Variants in SLC6A7 observed in about 807,000 individuals in gnomAD.
The protein encoded by SLC6A7 is solute carrier family 6 member 7, also known as sodium-dependent proline transporter.
SLC6A7 carries 58 observed loss-of-function variants against 73.1 expected under a neutral mutation model. That is an observed-to-expected ratio of 0.79 (90% confidence interval 0.64 to 0.99). SLC6A7 has a LOEUF of 0.99. Ranked by LOEUF, SLC6A7 falls within the 50% of genes least tolerant of loss-of-function variation. The pLI is 0.00. For synonymous variants in SLC6A7, 338 were observed against 338.7 expected, an observed-to-expected ratio of 1.00 and a Z score of 0.02; for missense variants, 783 against 831.4, an observed-to-expected ratio of 0.94 and a Z score of 0.72.
In SLC6A7 at chr5:150,209,486, G is replaced by A. The variant is rs537596685; in HGVS notation, c.1782G>A (p.Thr594=). The A allele has an allele frequency of 9.9e-6, 16 of 1,614,154 alleles. No individual in the cohort carries two copies. Among genetic ancestry groups the A allele is most frequent in the African/African-American group, 6.7e-5 (5 of 75,074 alleles). The change falls in exon 14 of 14, where the codon ACG becomes ACA. Residue 594 remains threonine (T), a synonymous_variant. Transcript: ENST00000230671. ...ACCGGACGGGCATGTATGTGGCCAC[G>A]CTGGCTGGGAGCCAGTCACCAAAGC... ...EENRTGMYVA[T]LAGSQSPKPL...
intron 4 of SLC6A7, among the ~76,000 whole-genome samples, chr5:150,198,374 G>A (rs1439960119): frequency 5.3e-5 from 8 of 152,218 alleles, no homozygotes; most frequent in Non-Finnish European, 1.2e-4. Context: ...AAATGTTTTG[G>A]TCTTTAACCT....
rs148094389 is a variant in SLC6A7, at chr5:150,197,049, C to G, written c.357C>G (p.Gly119=). 1 of 1,613,518 alleles carries G rather than the reference C, an allele frequency of 6.2e-7. No individual in the cohort carries two copies. The highest frequency in any genetic ancestry group is 1.1e-5 in the South Asian group (1 of 91,070). ...WKISPLFKGA[G]AAMLLIVGLV... ...AGCCTCTCCCCACACCAGGCGCCGG[C>G]GCAGCCATGCTGCTCATCGTGGGCT... Residue 119 remains glycine (G), a synonymous_variant, in exon 4 of 14, where the codon GGC becomes GGG. Coordinates refer to ENST00000230671, the MANE Select transcript of SLC6A7 (RefSeq NM_014228.5).
Position 150,190,317 on chromosome 5 carries a change from C to T in SLC6A7, c.-11C>T. The T allele has an allele frequency of 6.6e-7, 1 of 1,511,906 alleles. No homozygotes were observed. The highest frequency in any genetic ancestry group is 8.8e-7 in the Non-Finnish European group (1 of 1,130,952). 93.7% of individuals were successfully genotyped at this position (1,511,906 alleles called of 1,614,324 possible). On this transcript the variant is annotated 5_prime_UTR_variant, in exon 1 of 14. Transcript: ENST00000230671. ...CCGGGGCAGCTGAGCCCCGGCCACCCGCTCTCCAAGATGAAGAAGCTCCAG... is the reference window on the plus strand; with the variant it reads ...CCGGGGCAGCTGAGCCCCGGCCACCTGCTCTCCAAGATGAAGAAGCTCCAG...
rs1337961398 is a variant in SLC6A7, at chr5:150,203,738, C to T, written c.1159C>T (p.Leu387Phe). Reference protein sequence around the residue: ...MLPLSPFWSFLFFFMLLTLGL... With the variant: ...MLPLSPFWSFFFFFMLLTLGL... ...GCCTCTGTCACCCTTCTGGTCCTTT[C>T]TCTTCTTCTTCATGCTTCTGACTCT... Residue 387 changes from leucine to phenylalanine, a missense_variant, in exon 9 of 14, where the codon CTC becomes TTC. By Grantham distance (22) the Leu-to-Phe change is conservative. Coordinates refer to ENST00000230671, the MANE Select transcript of SLC6A7 (RefSeq NM_014228.5). 5.6e-6 allele frequency: 9 copies of T among 1,610,698 alleles called. No homozygotes were observed. Among genetic ancestry groups the T allele is most frequent in the Non-Finnish European group, 7.6e-6 (9 of 1,177,336 alleles).
rs554644130 is a variant in SLC6A7, at chr5:150,202,554, C to T, written c.963-25C>T. 93 of 1,613,082 alleles carry T rather than the reference C, an allele frequency of 5.8e-5. 2 individuals carry two copies. The South Asian group carries it at 9.8e-4, about 17-fold the overall frequency. On this transcript the variant is annotated intron_variant, in intron 7 of 13. Transcript: ENST00000230671. ...TGAAAGGAAGGCCCACTCACCCTGG[C>T]CCGCACCTGGACTTCTTCTGGTAGA...
intron 1 of SLC6A7, among the ~76,000 whole-genome samples, chr5:150,192,567 G>T (rs1752834839): frequency 1.3e-5 from 2 of 152,188 alleles, no homozygotes; most frequent in South Asian, 4.1e-4. Context: ...CAGCCTCCTG[G>T]GATTCACCCC....
chr5:150,211,005 C>T lies in SLC6A7; in HGVS notation c.*1390C>T, dbSNP rs6579779. 86,618 of 152,704 alleles carry T rather than the reference C, an allele frequency of 0.57. 24,899 individuals are homozygous for T. Among genetic ancestry groups the T allele is most frequent in the East Asian group, 0.78 (4,124 of 5,300 alleles). The allele number at this position is 152,704 out of a possible 1,614,324, so 9.5% of individuals were successfully genotyped here. Reference sequence around the variant, plus strand: ...CAGCCTCTCTGCCTGTCTCTCGCTGCGTCCCCCCAACCCCTTGTGTTCTAT... The same window carrying T: ...CAGCCTCTCTGCCTGTCTCTCGCTGTGTCCCCCCAACCCCTTGTGTTCTAT... On this transcript the variant is annotated 3_prime_UTR_variant, in exon 14 of 14. Transcript: ENST00000230671.
chr5:150,197,098 A>C lies in SLC6A7; in HGVS notation c.406A>C (p.Ile136Leu), dbSNP rs1195924722. The C allele has an allele frequency of 6.2e-7, 1 of 1,614,086 alleles. No homozygotes were observed. The highest frequency in any genetic ancestry group is 8.5e-7 in the Non-Finnish European group (1 of 1,180,006). ...CTTGGTGGCCATCTACTACAACATG[A>C]TCATCGCCTACGTGCTCTTCTACCT... ...VGLVAIYYNM[I>L]IAYVLFYLFA... The change falls in exon 4 of 14, where the codon ATC becomes CTC. Residue 136 changes from isoleucine to leucine, a missense_variant. By Grantham distance (5) the Ile-to-Leu change is conservative. Transcript: ENST00000230671.
At chr5:150,193,456 G>A (rs1394966958) in intron 1 of SLC6A7, among the ~76,000 whole-genome samples, 2 of 152,164 alleles carry the variant, frequency 1.3e-5, no homozygotes, top group South Asian at 2.1e-4. Context: ...CAGCCCTCAG[G>A]CTCTCCCTAC....
At chr5:150,202,538 G>T in intron 7 of SLC6A7, 41 bp from the exon 8 acceptor site, 1 of 1,611,728 alleles carries the variant, frequency 6.2e-7, no homozygotes, top group Non-Finnish European at 8.5e-7. Context: ...CTGAAAGGAA[G>T]GCCCACTCAC....
At chr5:150,205,309 C>T in intron 12 of SLC6A7, 147 bp from the exon 13 acceptor site, 1 of 623,844 alleles carries the variant, frequency 1.6e-6, no homozygotes, top group Non-Finnish European at 2.7e-6. Flanking sequence ...AAAGATGGCC[C>T]ACTTCAGGGT....
intron 4 of SLC6A7, among the ~76,000 whole-genome samples, chr5:150,198,115 G>GGA (rs1554115652): frequency 1.3e-5 from 1 of 77,534 alleles, no homozygotes; most frequent in African/African-American, 4.0e-5. Context: ...AAGAAAGAAA[G>GGA]AGAAAGAAAG....
At chr5:150,204,744 G>C in intron 11 of SLC6A7, 83 bp from the exon 12 acceptor site, 1 of 1,327,494 alleles carries the variant, frequency 7.5e-7, no homozygotes, top group Non-Finnish European at 1.1e-6. Flanking sequence ...GGTTTCCAGT[G>C]GGGGCAGCTG....
chr5:150,199,567 ACTAGACTGGAAG>A (rs1210260771), intron 5 of SLC6A7, among the ~76,000 whole-genome samples: 1 of 152,224 alleles, frequency 6.6e-6, no homozygotes, highest in Non-Finnish European at 1.5e-5. Context: ...AGGCTGCTTT[ACTAGACTGGAAG>A]CTCACCAAGG....
Position 150,201,083 on chromosome 5 carries a change from T to C in SLC6A7, c.724-6T>C, listed in dbSNP as rs546856137. 40 of 1,613,402 alleles carry C rather than the reference T, an allele frequency of 2.5e-5. 1 individual carries two copies. The highest frequency in any genetic ancestry group is 3.3e-5 in the South Asian group (3 of 91,056). ...TGCCATCAGCTCCTCACTTATCATCTCTCAGGTGGTGTATTTCACGGCCAC... is the reference window on the plus strand; with the variant it reads ...TGCCATCAGCTCCTCACTTATCATCCCTCAGGTGGTGTATTTCACGGCCAC... On this transcript the variant is annotated splice_polypyrimidine_tract_variant and splice_region_variant and intron_variant, in intron 5 of 13. Transcript: ENST00000230671.
rs1752943842 is a variant in SLC6A7, at chr5:150,194,841, C to T, written c.147C>T (p.Ser49=). The stretch of plus-strand genomic sequence containing the variant: ...CAGGCAAGCTGGACTTCCTGCTGTC[C>T]TGCATTGGCTACTGTGTAGGCCTGG... ...NWTGKLDFLL[S]CIGYCVGLGN... Residue 49 remains serine (S), a synonymous_variant, in exon 2 of 14, where the codon TCC becomes TCT. Coordinates refer to ENST00000230671, the MANE Select transcript of SLC6A7 (RefSeq NM_014228.5). 11 of 1,614,142 alleles carry T rather than the reference C, an allele frequency of 6.8e-6. No homozygotes were observed. The highest frequency in any genetic ancestry group is 7.6e-6 in the Non-Finnish European group (9 of 1,180,016).
chr5:150,203,068 T>C (rs6579778), intron 8 of SLC6A7, among the ~76,000 whole-genome samples: 64,358 of 141,078 alleles, frequency 0.46, 14,382 homozygotes, highest in Non-Finnish European at 0.52. Flanking sequence ...AGCAAGACTC[T>C]GCCTCAAAAA....
intron 8 of SLC6A7, among the ~76,000 whole-genome samples, chr5:150,203,073 CA>C (rs552671431): frequency 0.33 from 41,757 of 125,064 alleles, 6,092 homozygotes; most frequent in Admixed American, 0.44. Context: ...GACTCTGCCT[CA>C]AAAAAAAAAA....
chr5:150,205,374 G>A (rs1227339025), intron 12 of SLC6A7, 82 bp from the exon 13 acceptor site: 3 of 1,201,570 alleles, frequency 2.5e-6, no homozygotes, highest in Non-Finnish European at 3.5e-6. Flanking sequence ...CAGGCCTTGG[G>A]CTGGCACTAG....
Sources: gnomAD v4.1 joint callset for allele counts (sites outside exome capture counted in the v4.1 genomes callset) on GRCh38, gnomAD v4.1.1 for gene constraint, MANE v1.5 for transcripts, NCBI Gene and HGNC (gene_info 2026-07-23, HGNC 2026-07-21) for gene names.